DYRK1A: variants seen among roughly 807,000 people sequenced by gnomAD.
The protein encoded by DYRK1A is dual specificity tyrosine phosphorylation regulated kinase 1A.
Under a neutral mutation model 79.7 loss-of-function variants are expected in DYRK1A, and 9 were observed. The ratio of observed to expected loss-of-function variants is 0.11; its 90% CI spans 0.07 to 0.20. The LOEUF (loss-of-function observed/expected upper bound fraction) is 0.20, where lower values mean the gene tolerates loss of function less well. DYRK1A is among the 10% of genes least tolerant of loss of function. DYRK1A has a pLI of 1.00. For missense variants in DYRK1A, 622 were observed against 956.0 expected (o/e 0.65, Z 4.61); for synonymous variants, 349 against 329.7 (o/e 1.06, Z -0.63).
intron 1 of DYRK1A, among the ~76,000 whole-genome samples, chr21:37,379,447 A>G (rs965891143): frequency 1.3e-5 from 2 of 152,242 alleles, no homozygotes. Flanking sequence ...TTGGCAGTAT[A>G]CTAAAAGGTT....
At chr21:37,499,125 T>G (rs2053363199) in intron 9 of DYRK1A, among the ~76,000 whole-genome samples, 1 of 152,184 alleles carries the variant, frequency 6.6e-6, no homozygotes, top group Admixed American at 6.5e-5. Context: ...TTGATGAAGT[T>G]GTATTTGTCA....
rs534860158 is a variant in DYRK1A at position 37,499,141 on chromosome 21, T to G, written c.1212+2883T>G. The stretch of plus-strand genomic sequence containing the variant: ...TGATGAAGTTGTATTTGTCAACTTT[T>G]TTTGTTTGGTACTTTTTTTATCCTG... On this transcript the variant is annotated intron_variant, in intron 9 of 11. Transcript: ENST00000647188. Among the ~76,000 whole-genome samples, 125 of 152,300 alleles carry G rather than the reference T, an allele frequency of 8.2e-4. 4 individuals are homozygous for G. In the South Asian group the frequency reaches 0.025, roughly 31 times the overall value.
rs1299947324 is a variant in DYRK1A at position 37,506,219 on chromosome 21, C to A, written c.1640C>A (p.Pro547His). 6.2e-7 allele frequency: 1 copy of A among 1,614,006 alleles called. No homozygotes were observed. The change falls in exon 11 of 12, where the codon CCC becomes CAC. Residue 547 changes from proline to histidine, a missense_variant. By Grantham distance (77) the Pro-to-His change is moderately conservative (BLOSUM62 -2). Coordinates refer to ENST00000647188, the MANE Select transcript of DYRK1A (RefSeq NM_001347721.2). ...GCCATGGACTGCGAGACACACAGTC[C>A]CCAGGTGAGCTCGCACGTGGTTCAT... ...VQAMDCETHS[P>H]QVRQQFPAPL...
intron 2 of DYRK1A, among the ~76,000 whole-genome samples, chr21:37,465,822 G>A (rs779725792): frequency 5.9e-5 from 9 of 151,824 alleles, no homozygotes; most frequent in African/African-American, 1.2e-4. Flanking sequence ...GGGTAACAGC[G>A]CAAGACTCTG....
At chr21:37,447,994 A>G (rs2051327067) in intron 2 of DYRK1A, among the ~76,000 whole-genome samples, 1 of 152,208 alleles carries the variant, frequency 6.6e-6, no homozygotes, top group Non-Finnish European at 1.5e-5. Flanking sequence ...CCACTCTTCA[A>G]GGTGTTAAGA....
chr21:37,391,599 T>G (rs1482469145), intron 1 of DYRK1A, among the ~76,000 whole-genome samples: 2 of 152,234 alleles, frequency 1.3e-5, no homozygotes, highest in Non-Finnish European at 2.9e-5. Context: ...GCAGTCCTCC[T>G]TAACCCCTTG....
chr21:37,402,156 TTA>T (rs1363083378), intron 1 of DYRK1A, among the ~76,000 whole-genome samples: 3 of 152,174 alleles, frequency 2.0e-5, no homozygotes, highest in Non-Finnish European at 4.4e-5. Flanking sequence ...CAACTAAAAT[TTA>T]TTTTTGTTTA....
In DYRK1A at chr21:37,520,317, C is replaced by G. The variant is rs960575962; in HGVS notation, c.*7786C>G. On this transcript the variant is annotated 3_prime_UTR_variant, in exon 12 of 12. Coordinates refer to ENST00000647188, the MANE Select transcript of DYRK1A (RefSeq NM_001347721.2). The stretch of plus-strand genomic sequence containing the variant: ...GAGATGAGGGTGACAGAAATCAGCT[C>G]TTAAGTTTATAAATAAAACAGGGAT... 2 of 152,142 alleles carry G rather than the reference C, an allele frequency of 1.3e-5. No homozygotes were observed. Among genetic ancestry groups the G allele is most frequent in the African/African-American group, 4.8e-5 (2 of 41,410 alleles). The allele number at this position is 152,142 out of a possible 1,614,324, so 9.4% of individuals were successfully genotyped here.
At chr21:37,441,811 T>C (rs548735331) in intron 2 of DYRK1A, among the ~76,000 whole-genome samples, 2 of 152,276 alleles carry the variant, frequency 1.3e-5, no homozygotes, top group East Asian at 3.9e-4. Context: ...CGTTATCTTT[T>C]CTGGTCTTCA....
intron 1 of DYRK1A, among the ~76,000 whole-genome samples, chr21:37,370,788 C>T (rs2049413949): frequency 6.6e-6 from 1 of 152,144 alleles, no homozygotes; most frequent in Non-Finnish European, 1.5e-5. Context: ...ATTTTACCTC[C>T]ATATATGTTC....
chr21:37,488,390 G>A (rs980085786), intron 6 of DYRK1A: 8 of 820,808 alleles, frequency 9.7e-6, no homozygotes, highest in Non-Finnish European at 1.2e-5. Flanking sequence ...ATGTAAATTA[G>A]TTTTAAAGTG....
At chr21:37,479,606 GTTTTTGTTTTTTGTTT>G (rs982523062) in intron 4 of DYRK1A, among the ~76,000 whole-genome samples, 1 of 27,590 alleles carries the variant, frequency 3.6e-5, no homozygotes, top group African/African-American at 1.5e-4. Flanking sequence ...TTTTGTTTTT[GTTTTTGTTTTTTGTTT>G]TTTTTTTTTT....
chr21:37,482,157 A>G (rs1003529749), intron 5 of DYRK1A, among the ~76,000 whole-genome samples: 1 of 152,218 alleles, frequency 6.6e-6, no homozygotes, highest in Admixed American at 6.5e-5. Flanking sequence ...CTGAGAGAAC[A>G]CAAAATACAT....
intron 1 of DYRK1A, among the ~76,000 whole-genome samples, chr21:37,368,567 A>G (rs982720583): frequency 2.6e-5 from 4 of 152,164 alleles, no homozygotes; most frequent in African/African-American, 7.2e-5. Flanking sequence ...ATTCCGCCCA[A>G]ATTGTCAGAA....
rs1021132246 is a variant in DYRK1A, at chr21:37,518,835, A to T, written c.*6304A>T. 1 of 150,856 alleles carries T rather than the reference A, an allele frequency of 6.6e-6. No individual in the cohort carries two copies. Among genetic ancestry groups the T allele is most frequent in the Admixed American group, 6.6e-5 (1 of 15,114 alleles). The allele number at this position is 150,856 out of a possible 1,614,324, so 9.3% of individuals were successfully genotyped here. ...GCAATGTTGGCCAGGCTGGTCTTGA[A>T]CTCCCGACTTCAAGCTATCCACCTG... On this transcript the variant is annotated 3_prime_UTR_variant, in exon 12 of 12. Coordinates refer to ENST00000647188, the MANE Select transcript of DYRK1A (RefSeq NM_001347721.2).
intron 2 of DYRK1A, among the ~76,000 whole-genome samples, chr21:37,426,919 T>C (rs796462998): frequency 8.4e-6 from 1 of 119,300 alleles, no homozygotes; most frequent in African/African-American, 3.3e-5. Context: ...GACTCGGTTC[T>C]AAAAAAAAAA....
At chr21:37,502,750 G>A (rs2053488279) in intron 9 of DYRK1A, 1 of 152,012 alleles carries the variant, frequency 6.6e-6, no homozygotes, top group South Asian at 2.1e-4. Context: ...TATTTCTTCA[G>A]CCTCAAGACC....
At chr21:37,459,003 C>T (rs1032597450) in intron 2 of DYRK1A, among the ~76,000 whole-genome samples, 3 of 152,166 alleles carry the variant, frequency 2.0e-5, no homozygotes, top group African/African-American at 7.2e-5. Context: ...TGGCAGTTCA[C>T]TGTTTTGTGT....
chr21:37,399,825 A>G (rs1168008037), intron 1 of DYRK1A, among the ~76,000 whole-genome samples: 1 of 152,210 alleles, frequency 6.6e-6, no homozygotes, highest in Non-Finnish European at 1.5e-5. Flanking sequence ...CCCAGAATGC[A>G]AATTAAGAAT....
Sources: allele counts gnomAD v4.1 joint callset (sites outside exome capture counted in the v4.1 genomes callset), GRCh38; gene constraint gnomAD v4.1.1; transcripts MANE v1.5; gene names NCBI Gene and HGNC (gene_info 2026-07-23, HGNC 2026-07-21).